Variants in TEKT3 observed in about 807,000 individuals in gnomAD.
TEKT3 encodes the protein tektin 3, also known as tektin-3.
In TEKT3, 49 loss-of-function variants were observed where a neutral mutation model predicts 49.8. The observed-to-expected ratio is 0.98, with a 90% CI of 0.78 to 1.25. The LOEUF is 1.25. TEKT3 is among the 50% of genes most tolerant of loss of function. The pLI, the probability that TEKT3 is intolerant of heterozygous loss-of-function variation, is 0.00. For synonymous variants in TEKT3, 225 were observed against 237.2 expected (o/e 0.95, Z 0.47); for missense variants, 595 against 629.5 (o/e 0.95, Z 0.59).
intron 4 of TEKT3, among the ~76,000 whole-genome samples, chr17:15,320,388 A>G (rs542987234): frequency 5.9e-5 from 9 of 152,190 alleles, no homozygotes; most frequent in Non-Finnish European, 1.3e-4. Flanking sequence ...TATATGTCAC[A>G]ATTTTTTTAA....
At chr17:15,326,499 G>A (rs1911496474) in intron 4 of TEKT3, among the ~76,000 whole-genome samples, 1 of 152,154 alleles carries the variant, frequency 6.6e-6, no homozygotes, top group Non-Finnish European at 1.5e-5. Flanking sequence ...GGGAAACTTG[G>A]GGAAGGAAAG....
chr17:15,327,662 T>C (rs1457224096), intron 4 of TEKT3: 3 of 273,658 alleles, frequency 1.1e-5, no homozygotes, highest in Non-Finnish European at 2.1e-5. Flanking sequence ...GTGGTGCCTA[T>C]CTAAGAATGA....
chr17:15,328,278 A>G (rs1274263946), intron 3 of TEKT3, among the ~76,000 whole-genome samples: 4 of 152,246 alleles, frequency 2.6e-5, no homozygotes, highest in Non-Finnish European at 5.9e-5. Flanking sequence ...GTAGCTCTTC[A>G]AAATAGTTTG....
At chr17:15,341,223 A>C (rs1912216625) in intron 1 of TEKT3, among the ~76,000 whole-genome samples, 1 of 152,178 alleles carries the variant, frequency 6.6e-6, no homozygotes. Flanking sequence ...TAGAATTAAG[A>C]AATTAAACGA....
At chr17:15,315,976 C>A (rs1910988452) in intron 5 of TEKT3, among the ~76,000 whole-genome samples, 1 of 152,230 alleles carries the variant, frequency 6.6e-6, no homozygotes, top group Admixed American at 6.5e-5. Context: ...TTAGCCTGTG[C>A]TTTCAAGCAA....
Position 15,310,819 on chromosome 17 carries a change from T to C in TEKT3, c.1101+1440A>G, listed in dbSNP as rs577747657. The stretch of plus-strand genomic sequence containing the variant: ...GAATGTCTTCTTACAATTGATAGTG[T>C]CTGACCTCATTAACCTTCTCATCAA... On this transcript the variant is annotated intron_variant, in intron 7 of 8. Coordinates refer to ENST00000395930, the MANE Select transcript of TEKT3 (RefSeq NM_031898.3). 3 of 152,270 alleles carry C rather than the reference T, an allele frequency of 2.0e-5. No individual in the cohort carries two copies. In the South Asian group the frequency reaches 6.2e-4, roughly 32 times the overall value. The allele number at this position is 152,270 out of a possible 1,614,324, so 9.4% of individuals were successfully genotyped here. A position where few individuals can be genotyped will look rare whatever the true frequency, so the allele number is the denominator to read the frequency against.
chr17:15,323,508 C>G (rs908046201), intron 4 of TEKT3, among the ~76,000 whole-genome samples: 1 of 152,178 alleles, frequency 6.6e-6, no homozygotes, highest in Non-Finnish European at 1.5e-5. Flanking sequence ...CAACAGAAGC[C>G]ATCCTGTAAG....
At chr17:15,309,798 C>G (rs1190712842) in intron 7 of TEKT3, among the ~76,000 whole-genome samples, 1 of 152,138 alleles carries the variant, frequency 6.6e-6, no homozygotes, top group East Asian at 1.9e-4. Context: ...TGTCATGAAA[C>G]TTCAGTTTCA....
At chr17:15,337,504 G>A (rs1248854876) in intron 2 of TEKT3, among the ~76,000 whole-genome samples, 1 of 152,164 alleles carries the variant, frequency 6.6e-6, no homozygotes, top group East Asian at 1.9e-4. Context: ...ACTATAAGCT[G>A]TCCAGGAAAA....
At position 15,330,992 on chromosome 17, in the gene TEKT3, A is replaced by G. The variant is rs761227118; in HGVS notation, c.579+15T>C. The G allele has an allele frequency of 6.3e-7, 1 of 1,586,802 alleles. No individual in the cohort carries two copies. The highest frequency in any genetic ancestry group is 1.8e-5 in the Admixed American group (1 of 56,440). On this transcript the variant is annotated intron_variant, in intron 3 of 8. Coordinates refer to ENST00000395930, the MANE Select transcript of TEKT3 (RefSeq NM_031898.3). ...TAATCATAAAAATTCAGTGTGTTCT[A>G]TCATAAGGTCTTACCTGAAGAGGGG...
At position 15,312,369 on chromosome 17, in the gene TEKT3, C is replaced by A. The variant is rs1348482180; in HGVS notation, c.991G>T (p.Val331Leu). The A allele has an allele frequency of 5.0e-6, 8 of 1,614,116 alleles. No homozygotes were observed. Among genetic ancestry groups the A allele is most frequent in the Non-Finnish European group, 6.8e-6 (8 of 1,180,054 alleles). The stretch of plus-strand genomic sequence containing the variant: ...TGATTCCACATCTCATTGGCAGTCA[C>A]AACCAAGAGGTTTTCAATGTCGTCT... ...LRDDIENLLV[V>L]TANEMWNQFN... The change falls in exon 7 of 9, where the codon GTG becomes TTG. Residue 331 changes from valine (V) to leucine (L), a missense_variant. Val to Leu is a conservative substitution (Grantham distance 32, BLOSUM62 1). Transcript: ENST00000395930.
intron 7 of TEKT3, chr17:15,311,261 A>C (rs1158140966): frequency 2.0e-5 from 3 of 152,218 alleles, no homozygotes; most frequent in African/African-American, 7.2e-5. Context: ...CTGCAGCCTG[A>C]GAAAATGTGG....
intron 4 of TEKT3, among the ~76,000 whole-genome samples, chr17:15,327,185 A>G (rs1220777136): frequency 1.2e-4 from 18 of 151,974 alleles, no homozygotes; most frequent in Non-Finnish European, 2.9e-5. Flanking sequence ...GCACCTTTAC[A>G]TTGTAGAACA....
intron 5 of TEKT3, among the ~76,000 whole-genome samples, chr17:15,318,059 A>G (rs113805133): frequency 1.4e-5 from 2 of 140,518 alleles, no homozygotes; most frequent in African/African-American, 5.4e-5. Flanking sequence ...GCGCAATCTC[A>G]GCTCACTGCA....
chr17:15,310,544 G>A (rs888748783), intron 7 of TEKT3, among the ~76,000 whole-genome samples: 2 of 152,110 alleles, frequency 1.3e-5, no homozygotes, highest in African/African-American at 2.4e-5. Flanking sequence ...CAGGGAGAAG[G>A]TGGCCATCTA....
At chr17:15,338,981 A>G (rs1424756038) in intron 2 of TEKT3, among the ~76,000 whole-genome samples, 3 of 152,092 alleles carry the variant, frequency 2.0e-5, no homozygotes, top group Non-Finnish European at 1.5e-5. Flanking sequence ...TTTAATCATG[A>G]TGTTTTGGTT....
At chr17:15,311,203 TA>T (rs1189818813) in intron 7 of TEKT3, 1 of 152,192 alleles carries the variant, frequency 6.6e-6, no homozygotes, top group Non-Finnish European at 1.5e-5. Flanking sequence ...CTGGCTCAAC[TA>T]ATATTTGTTG....
In TEKT3 at chr17:15,308,829, G is replaced by A. The variant is rs891595934; in HGVS notation, c.1102-11C>T. 6.2e-6 allele frequency: 10 copies of A among 1,610,938 alleles called. No homozygotes were observed. The highest frequency in any genetic ancestry group is 1.1e-5 in the South Asian group (1 of 91,004). On this transcript the variant is annotated splice_polypyrimidine_tract_variant and intron_variant, in intron 7 of 8. Coordinates refer to ENST00000395930, the MANE Select transcript of TEKT3 (RefSeq NM_031898.3). ...AATCTCCTGCAGGGTCTGTGACAAA[G>A]AGAAGCAACTGCCTGAGGCTTTGGT...
At chr17:15,330,209 TA>T (rs1911663294) in intron 3 of TEKT3, among the ~76,000 whole-genome samples, 1 of 152,140 alleles carries the variant, frequency 6.6e-6, no homozygotes, top group African/African-American at 2.4e-5. Flanking sequence ...TGATACAGAC[TA>T]AAAAAATAAA....
Sources: allele counts gnomAD v4.1 joint callset (sites outside exome capture counted in the v4.1 genomes callset), GRCh38; gene constraint gnomAD v4.1.1; transcripts MANE v1.5; gene names NCBI Gene and HGNC (gene_info 2026-07-23, HGNC 2026-07-21).